Variants in GSE1 observed in about 807,000 individuals in gnomAD.
GSE1 encodes the protein Gse1 coiled-coil protein, also known as genetic suppressor element 1.
In GSE1, 32 loss-of-function variants were observed where a neutral mutation model predicts 112.6. The observed-to-expected ratio is 0.28, with a 90% CI of 0.21 to 0.38. GSE1 has a LOEUF of 0.38. Ranked by LOEUF, GSE1 falls within the 10% of genes least tolerant of loss-of-function variation. The pLI, the probability that GSE1 is intolerant of heterozygous loss-of-function variation, is 1.00. For missense variants in GSE1, 2,348 were observed against 1,699.2 expected, an observed-to-expected ratio of 1.38 and a Z score of -6.71; for synonymous variants, 1,115 against 735.6, an observed-to-expected ratio of 1.52 and a Z score of -8.35.
chr16:85,307,335 C>T (rs1434621622), intron 1 of GSE1, among the ~76,000 whole-genome samples: 4 of 152,226 alleles, frequency 2.6e-5, no homozygotes, highest in Non-Finnish European at 1.5e-5. Flanking sequence ...CGTTCCAAGG[C>T]AGCTTCTAAG....
At chr16:85,411,168 TAC>T in intron 2 of GSE1, among the ~76,000 whole-genome samples, 1 of 93,186 alleles carries the variant, frequency 1.1e-5, no homozygotes, top group Non-Finnish European at 2.0e-5. Flanking sequence ...TCCTCACTGT[TAC>T]ACTCAGGCCC....
intron 1 of GSE1, among the ~76,000 whole-genome samples, chr16:85,325,833 T>G (rs1238626638): frequency 6.6e-6 from 1 of 151,594 alleles, no homozygotes; most frequent in African/African-American, 2.4e-5. Flanking sequence ...CTCAGCTCAC[T>G]GCAACCTCCG....
intron 1 of GSE1, among the ~76,000 whole-genome samples, chr16:85,601,008 G>C (rs766110849): frequency 3.3e-5 from 5 of 151,898 alleles, no homozygotes; most frequent in Non-Finnish European, 5.9e-5. Flanking sequence ...CCACCAGTGG[G>C]GGGGTTAGAG....
intron 2 of GSE1, among the ~76,000 whole-genome samples, chr16:85,479,241 C>G (rs1386412988): frequency 5.5e-4 from 69 of 126,224 alleles, no homozygotes; most frequent in African/African-American, 2.1e-3. Context: ...ACCGTGTTAG[C>G]CAGGATGGTC....
intron 2 of GSE1, among the ~76,000 whole-genome samples, chr16:85,491,198 T>G (rs2050999772): frequency 6.6e-6 from 1 of 152,164 alleles, no homozygotes. Context: ...GGCACTGTTG[T>G]GTTCACGCAG....
Position 85,672,592 on chromosome 16 carries a change from A to G in GSE1, c.*53A>G. On this transcript the variant is annotated 3_prime_UTR_variant, in exon 16 of 16. Coordinates refer to ENST00000253458, the MANE Select transcript of GSE1 (RefSeq NM_014615.5). Reference sequence around the variant, plus strand: ...ATAGTATAGAAATATTATCTATTTTATTACCTTGAATATTTAATATTTTTC... The same window carrying G: ...ATAGTATAGAAATATTATCTATTTTGTTACCTTGAATATTTAATATTTTTC... 8.1e-7 allele frequency: 1 copy of G among 1,237,020 alleles called. No individual in the cohort carries two copies. Among genetic ancestry groups the G allele is most frequent in the Non-Finnish European group, 1.1e-6 (1 of 899,912 alleles). 76.6% of individuals were successfully genotyped at this position (1,237,020 alleles called of 1,614,324 possible). A position where few individuals can be genotyped will look rare whatever the true frequency, so the allele number is the denominator to read the frequency against.
chr16:85,653,677 TG>T (rs2051639431), intron 3 of GSE1, among the ~76,000 whole-genome samples: 1 of 152,078 alleles, frequency 6.6e-6, no homozygotes, highest in African/African-American at 2.4e-5. Context: ...CTGCCTGTTC[TG>T]GTGGGCTCCA....
chr16:85,352,281 A>G (rs994433882), intron 1 of GSE1, among the ~76,000 whole-genome samples: 5 of 152,140 alleles, frequency 3.3e-5, no homozygotes, highest in Non-Finnish European at 7.4e-5. Context: ...GTGAATCCCC[A>G]TTTATTTGGA....
In GSE1 at chr16:85,375,879, G is replaced by A. The variant is rs145807947; in HGVS notation, c.2464+18236G>A. ...AAGTGCCTACTGCATGCCAGCTCTC[G>A]TGCGCATGTCAACTCCACCATCAGC... On this transcript the variant is annotated intron_variant, in intron 2 of 2. Coordinates refer to the GSE1 transcript ENST00000637419. 7.2e-3 allele frequency among the ~76,000 whole-genome samples: 1,097 copies of A among 152,318 alleles called. 8 individuals carry two copies. The highest frequency in any genetic ancestry group is 0.025 in the African/African-American group (1,043 of 41,558).
chr16:85,400,499 T>TTG (rs1567736874), intron 2 of GSE1, among the ~76,000 whole-genome samples: 1 of 151,534 alleles, frequency 6.6e-6, no homozygotes, highest in African/African-American at 2.4e-5. Context: ...TGTGGGTGTG[T>TTG]TGTGTGTGTC....
At chr16:85,587,210 G>A (rs1406391300) in intron 1 of GSE1, among the ~76,000 whole-genome samples, 4 of 151,770 alleles carry the variant, frequency 2.6e-5, no homozygotes, top group Admixed American at 6.6e-5. Flanking sequence ...TGGAGGGCCC[G>A]GCCGTGGAAG....
rs560439056 is a variant in GSE1 at position 85,269,905 on chromosome 16, G to A, written c.2284-87558G>A. ...GCACCCGAGGCAGCGCCGACATGTAGCTGCGTTCTGTGGACGCTTTGGAGG... is the reference window on the plus strand; with the variant it reads ...GCACCCGAGGCAGCGCCGACATGTAACTGCGTTCTGTGGACGCTTTGGAGG... On this transcript the variant is annotated intron_variant, in intron 1 of 2. Coordinates refer to the GSE1 transcript ENST00000637419. Among the ~76,000 whole-genome samples, 7 of 149,768 alleles carry A rather than the reference G, an allele frequency of 4.7e-5. No homozygotes were observed. The South Asian group carries it at 1.5e-3, about 31-fold the overall frequency.
intron 2 of GSE1, among the ~76,000 whole-genome samples, chr16:85,385,374 C>T (rs1204375930): frequency 6.6e-6 from 1 of 152,178 alleles, no homozygotes; most frequent in Non-Finnish European, 1.5e-5. Flanking sequence ...TGTGGTATGG[C>T]CCCCACTATT....
intron 1 of GSE1, among the ~76,000 whole-genome samples, chr16:85,234,269 T>C (rs1436888009): frequency 6.6e-6 from 1 of 152,164 alleles, no homozygotes; most frequent in Non-Finnish European, 1.5e-5. Context: ...CTCTCTGGGC[T>C]ACTGCCTCAT....
At chr16:85,547,878 C>CAAAAAAAA (rs755865916) in intron 2 of GSE1, among the ~76,000 whole-genome samples, 1 of 92,294 alleles carries the variant, frequency 1.1e-5, no homozygotes, top group African/African-American at 4.3e-5. Flanking sequence ...GTCTCTGTCT[C>CAAAAAAAA]AAAAAAAAAA....
intron 12 of GSE1, among the ~76,000 whole-genome samples, chr16:85,665,656 G>T (rs151316125): frequency 2.2e-4 from 34 of 152,314 alleles, no homozygotes; most frequent in African/African-American, 4.1e-4. Flanking sequence ...GTGCGTCCCA[G>T]TCCTCGGCCC....
At chr16:85,461,164 G>A (rs959490832) in intron 2 of GSE1, among the ~76,000 whole-genome samples, 6 of 152,212 alleles carry the variant, frequency 3.9e-5, no homozygotes, top group African/African-American at 7.2e-5. Flanking sequence ...CTCACCCTGG[G>A]TTTCTTAACC....
chr16:85,273,558 A>T (rs1046721697), intron 1 of GSE1, among the ~76,000 whole-genome samples: 4 of 92,878 alleles, frequency 4.3e-5, no homozygotes, highest in Non-Finnish European at 9.6e-5. Context: ...CAGTCTGCAG[A>T]GGCCACAGTG....
intron 1 of GSE1, among the ~76,000 whole-genome samples, chr16:85,586,638 C>T (rs1230286546): frequency 2.0e-5 from 3 of 152,238 alleles, no homozygotes; most frequent in South Asian, 4.1e-4. Context: ...CGCCGGCCCC[C>T]GCGCCCCCCC....
Sources: gnomAD v4.1 joint callset for allele counts (sites outside exome capture counted in the v4.1 genomes callset) on GRCh38, gnomAD v4.1.1 for gene constraint, MANE v1.5 for transcripts, NCBI Gene and HGNC (gene_info 2026-07-23, HGNC 2026-07-21) for gene names.